GNA14: variants seen among roughly 807,000 people sequenced by gnomAD.
GNA14 encodes the protein G protein subunit alpha 14, also known as guanine nucleotide-binding protein subunit alpha-14.
GNA14 carries 50 observed loss-of-function variants against 42.0 expected under a neutral mutation model. That is an observed-to-expected ratio of 1.19 (90% CI 0.95 to 1.51). The LOEUF is 1.51. Ranked by LOEUF, GNA14 falls within the 40% of genes most tolerant of loss-of-function variation. The pLI is 0.00. For missense variants in GNA14, 473 were observed against 446.2 expected (o/e 1.06, Z -0.54); for synonymous variants, 173 against 163.1 (o/e 1.06, Z -0.46).
intron 1 of GNA14, among the ~76,000 whole-genome samples, chr9:77,531,329 C>G (rs1349448894): frequency 6.6e-6 from 1 of 152,148 alleles, no homozygotes; most frequent in Non-Finnish European, 1.5e-5. Flanking sequence ...CAAGGATAAA[C>G]TGTGATGAGA....
At chr9:77,436,397 T>C (rs901573854) in intron 2 of GNA14, among the ~76,000 whole-genome samples, 1 of 152,252 alleles carries the variant, frequency 6.6e-6, no homozygotes, top group African/African-American at 2.4e-5. Flanking sequence ...GTTACTTATA[T>C]GTAAGTAGAA....
intron 1 of GNA14, among the ~76,000 whole-genome samples, chr9:77,559,107 C>T (rs1291160143): frequency 6.6e-6 from 1 of 152,066 alleles, no homozygotes; most frequent in Non-Finnish European, 1.5e-5. Context: ...TGACATAAAC[C>T]AGAGGACCTA....
chr9:77,629,188 C>T (rs1271188019), intron 1 of GNA14, among the ~76,000 whole-genome samples: 1 of 152,228 alleles, frequency 6.6e-6, no homozygotes. Context: ...GATACCCTCT[C>T]ACGCCAGTTA....
chr9:77,482,942 A>G (rs1836583354), intron 2 of GNA14, among the ~76,000 whole-genome samples: 1 of 152,022 alleles, frequency 6.6e-6, no homozygotes, highest in African/African-American at 2.4e-5. Flanking sequence ...TGGTTATTCT[A>G]GTTATCCATT....
chr9:77,563,095 G>A (rs116646288), intron 1 of GNA14, among the ~76,000 whole-genome samples: 2,009 of 152,252 alleles, frequency 0.013, 33 homozygotes, highest in African/African-American at 0.045. Context: ...TTCAGTGGCA[G>A]GGGATTAAAG....
At chr9:77,489,739 A>G (rs1298581591) in intron 2 of GNA14, among the ~76,000 whole-genome samples, 1 of 150,604 alleles carries the variant, frequency 6.6e-6, no homozygotes, top group Non-Finnish European at 1.5e-5. Flanking sequence ...GGAGTTGTTC[A>G]TTTCTCCCGG....
In GNA14 at chr9:77,519,931, A is replaced by T. The variant is rs571773626; in HGVS notation, c.309+9138T>A. ...GGACTGAGGCAGGAGAATCACTTGAACCTGGAGGCGGAGGTTCTAGTGAGC... is the reference window on the plus strand; with the variant it reads ...GGACTGAGGCAGGAGAATCACTTGATCCTGGAGGCGGAGGTTCTAGTGAGC... On this transcript the variant is annotated intron_variant, in intron 2 of 6. Coordinates refer to ENST00000341700, the MANE Select transcript of GNA14 (RefSeq NM_004297.4). Among the ~76,000 whole-genome samples the T allele has an allele frequency of 5.3e-4, 80 of 152,114 alleles. No individual in the cohort carries two copies. The Middle Eastern group carries it at 0.01, about 19-fold the overall frequency.
At chr9:77,545,539 G>C (rs1837709043) in intron 1 of GNA14, among the ~76,000 whole-genome samples, 1 of 152,174 alleles carries the variant, frequency 6.6e-6, no homozygotes, top group Admixed American at 6.5e-5. Flanking sequence ...CGTGGTCAAA[G>C]TAACAGCAGG....
At chr9:77,437,689 G>A (rs1835661618) in intron 2 of GNA14, among the ~76,000 whole-genome samples, 1 of 152,126 alleles carries the variant, frequency 6.6e-6, no homozygotes, top group Non-Finnish European at 1.5e-5. Flanking sequence ...AGTGAGTAAT[G>A]CACCACACTC....
chr9:77,437,539 TAAGA>T, intron 2 of GNA14, among the ~76,000 whole-genome samples: 1 of 139,722 alleles, frequency 7.2e-6, no homozygotes, highest in Admixed American at 7.7e-5. Context: ...AGACCCTGTA[TAAGA>T]AAGAGAAAGA....
chr9:77,529,855 A>C (rs578096508), intron 1 of GNA14, among the ~76,000 whole-genome samples: 5 of 152,324 alleles, frequency 3.3e-5, no homozygotes, highest in Admixed American at 6.5e-5. Context: ...TGTGCATTAG[A>C]GGTCCAGATA....
chr9:77,581,002 GCACA>G (rs3052394), intron 1 of GNA14, among the ~76,000 whole-genome samples: 37,808 of 144,160 alleles, frequency 0.26, 5,430 homozygotes, highest in Admixed American at 0.42. Flanking sequence ...TACAATAAAG[GCACA>G]CACACACACA....
At chr9:77,528,260 C>A (rs752416681) in intron 2 of GNA14, among the ~76,000 whole-genome samples, 1 of 152,068 alleles carries the variant, frequency 6.6e-6, no homozygotes, top group African/African-American at 2.4e-5. Context: ...CACAGATCCA[C>A]GAGAGACCCA....
At chr9:77,602,558 G>T (rs2117920115) in intron 1 of GNA14, among the ~76,000 whole-genome samples, 1 of 152,192 alleles carries the variant, frequency 6.6e-6, no homozygotes, top group African/African-American at 2.4e-5. Context: ...AGATCTCTGG[G>T]TCATTCTCTC....
intron 2 of GNA14, among the ~76,000 whole-genome samples, chr9:77,436,794 G>A (rs1363209481): frequency 6.6e-6 from 1 of 152,156 alleles, no homozygotes; most frequent in Non-Finnish European, 1.5e-5. Flanking sequence ...GCCTTCTATT[G>A]CAAATAATAG....
chr9:77,523,309 A>G (rs1378789132), intron 2 of GNA14, among the ~76,000 whole-genome samples: 1 of 152,176 alleles, frequency 6.6e-6, no homozygotes, highest in Non-Finnish European at 1.5e-5. Flanking sequence ...AGGCCTCAGG[A>G]AACTTACAAT....
At chr9:77,541,736 CT>C (rs141526832) in intron 1 of GNA14, among the ~76,000 whole-genome samples, 1 of 151,872 alleles carries the variant, frequency 6.6e-6, no homozygotes, top group Admixed American at 6.6e-5. Context: ...TTTCTTTTTT[CT>C]TTTTTTCTTT....
At chr9:77,466,488 G>A (rs1048950150) in intron 2 of GNA14, among the ~76,000 whole-genome samples, 14 of 152,012 alleles carry the variant, frequency 9.2e-5, no homozygotes, top group African/African-American at 3.1e-4. Context: ...TATGTATTCA[G>A]TCATTGTTGT....
At chr9:77,493,026 A>AATATATATATAT (rs1172872010) in intron 2 of GNA14, among the ~76,000 whole-genome samples, 19 of 51,710 alleles carry the variant, frequency 3.7e-4, no homozygotes, top group East Asian at 2.3e-3. Flanking sequence ...AAAAAAAAAA[A>AATATATATATAT]ATATATATAT....
Sources: gnomAD v4.1 joint callset for allele counts (sites outside exome capture counted in the v4.1 genomes callset) on GRCh38, gnomAD v4.1.1 for gene constraint, MANE v1.5 for transcripts, NCBI Gene and HGNC (gene_info 2026-07-23, HGNC 2026-07-21) for gene names.